Variants in AKAP13 observed in about 807,000 individuals in gnomAD.
AKAP13 encodes A-kinase anchor protein 13.
A neutral mutation model predicts 264.5 loss-of-function variants in AKAP13; 80 were observed. That is an observed-to-expected ratio of 0.30 (90% CI 0.25 to 0.36). AKAP13 has a LOEUF of 0.36. AKAP13 is among the 10% of genes least tolerant of loss of function. The pLI is 1.00. For missense variants in AKAP13, 3,712 were observed against 3,435.2 expected, an observed-to-expected ratio of 1.08 and a Z score of -2.01; for synonymous variants, 1,380 against 1,250.2, an observed-to-expected ratio of 1.10 and a Z score of -2.19.
intron 30 of AKAP13, among the ~76,000 whole-genome samples, chr15:85,733,910 T>C (rs2088241353): frequency 7.4e-6 from 1 of 134,788 alleles, no homozygotes; most frequent in Non-Finnish European, 1.6e-5. Flanking sequence ...AGAGTTTTGC[T>C]CCTGTTGCCC....
At chr15:85,709,639 G>T (rs7165064) in intron 18 of AKAP13, among the ~76,000 whole-genome samples, 27,729 of 150,572 alleles carry the variant, frequency 0.18, 2,884 homozygotes, top group South Asian at 0.34. Context: ...CCATATAAGA[G>T]AATATAACCT....
At chr15:85,477,981 T>C (rs1205555815) in intron 1 of AKAP13, among the ~76,000 whole-genome samples, 2 of 152,228 alleles carry the variant, frequency 1.3e-5, no homozygotes, top group Non-Finnish European at 2.9e-5. Flanking sequence ...TATCCTGTGC[T>C]TCTCCTCCTG....
intron 8 of AKAP13, among the ~76,000 whole-genome samples, chr15:85,622,576 A>G (rs191868365): frequency 1.3e-5 from 2 of 152,364 alleles, no homozygotes; most frequent in African/African-American, 2.4e-5. Flanking sequence ...GTAATCGGTT[A>G]GCCTGCCGTT....
rs7178065 is a variant in AKAP13 at position 85,581,800 on chromosome 15, G to A, written c.3732G>A (p.Gly1244=). ...CCCAGGACGCACCTCTGCCTAAGGG[G>A]GCAGACTTGATAGAGGAGGCTGCCA... is the stretch of plus-strand genomic sequence containing the variant. ...VSAQDAPLPK[G]ADLIEEAASR... is the part of the protein sequence containing the mutation. Residue 1244 remains glycine (G), a synonymous_variant, in exon 7 of 37, where the codon GGG becomes GGA. Transcript: ENST00000394518. The A allele has an allele frequency of 0.63, 1,016,438 of 1,613,710 alleles. 321,753 individuals carry two copies. Among genetic ancestry groups the A allele is most frequent in the Middle Eastern group, 0.69 (4,169 of 6,058 alleles).
At position 85,613,491 on chromosome 15, in the gene AKAP13, C is replaced by T. The variant is rs536918006; in HGVS notation, c.4162-25883C>T. 2.4e-4 allele frequency among the ~76,000 whole-genome samples: 36 copies of T among 151,856 alleles called. No individual in the cohort carries two copies. In the East Asian group the frequency reaches 6.4e-3, roughly 27 times the overall value. ...GGTCAGGAGATCGAGACCATCCTGG[C>T]TAACACGGTGAAACCCCGTCTCTAC... On this transcript the variant is annotated intron_variant, in intron 8 of 36. Coordinates refer to ENST00000394518, the MANE Select transcript of AKAP13 (RefSeq NM_007200.5).
chr15:85,448,858 T>C (rs1457663996), intron 1 of AKAP13, among the ~76,000 whole-genome samples: 1 of 151,516 alleles, frequency 6.6e-6, no homozygotes, highest in East Asian at 1.9e-4. Flanking sequence ...CTTTTTTTTT[T>C]TTTTTCTGAA....
chr15:85,533,958 A>G (rs2279168), intron 4 of AKAP13, 78 bp downstream of exon 4: 173,139 of 1,419,818 alleles, frequency 0.12, 12,657 homozygotes, highest in East Asian at 0.34. Context: ...CTACTTTTCT[A>G]TGGTCATCAT....
At chr15:85,698,529 G>A (rs1231909649) in intron 17 of AKAP13, among the ~76,000 whole-genome samples, 3 of 150,722 alleles carry the variant, frequency 2.0e-5, no homozygotes, top group Non-Finnish European at 4.4e-5. Context: ...AACTTTTTCT[G>A]CAAAGGAACC....
intron 9 of AKAP13, among the ~76,000 whole-genome samples, chr15:85,642,626 C>T (rs2082361146): frequency 6.6e-6 from 1 of 152,154 alleles, no homozygotes; most frequent in Non-Finnish European, 1.5e-5. Flanking sequence ...GTACTTTTCC[C>T]TCTTTCCCTC....
chr15:85,742,496 G>A lies in AKAP13; in HGVS notation c.8059-996G>A, dbSNP rs568435375. Among the ~76,000 whole-genome samples the A allele has an allele frequency of 6.6e-5, 10 of 152,352 alleles. No homozygotes were observed. The South Asian group carries it at 2.1e-3, about 32-fold the overall frequency. On this transcript the variant is annotated intron_variant, in intron 35 of 36. Coordinates refer to ENST00000394518, the MANE Select transcript of AKAP13 (RefSeq NM_007200.5). The stretch of plus-strand genomic sequence containing the variant: ...GAAACGCCCATCCCAGCAACTAGGG[G>A]AGGCCGCCACTCCTCTCGTGGATGG...
At chr15:85,423,134 G>T (rs1047714022) in intron 1 of AKAP13, among the ~76,000 whole-genome samples, 1 of 152,206 alleles carries the variant, frequency 6.6e-6, no homozygotes. Context: ...GCCTTGATGT[G>T]GATGGCTGCT....
At chr15:85,480,234 C>T (rs897818822) in intron 1 of AKAP13, among the ~76,000 whole-genome samples, 3 of 152,112 alleles carry the variant, frequency 2.0e-5, no homozygotes, top group Non-Finnish European at 4.4e-5. Flanking sequence ...TACCCACCAG[C>T]GTATTTTAAG....
At chr15:85,643,962 C>T (rs2082427023) in intron 9 of AKAP13, among the ~76,000 whole-genome samples, 1 of 152,164 alleles carries the variant, frequency 6.6e-6, no homozygotes, top group Admixed American at 6.5e-5. Flanking sequence ...GGACTGTCCC[C>T]GTTTTGGATG....
In AKAP13 at chr15:85,723,161, G is replaced by C. The variant is rs2087400786; in HGVS notation, c.6586G>C (p.Glu2196Gln). The part of the protein sequence containing the change: ...GAVDSKVASY[E>Q]KKVRLNEIYT... ...TGTAGACAGCAAAGTGGCAAGTTAT[G>C]AAAAGAAAGTGCGTCTCAATGAGAT... Residue 2196 changes from glutamate to glutamine, a missense_variant, in exon 26 of 37, where the codon GAA becomes CAA. This residue lies in a region of AKAP13 where 342 missense variants were observed against 484.3 expected (regional missense o/e 0.71). Transcript: ENST00000394518. The C allele has an allele frequency of 6.2e-7, 1 of 1,614,184 alleles. No homozygotes were observed. The highest frequency in any genetic ancestry group is 8.5e-7 in the Non-Finnish European group (1 of 1,180,006).
At position 85,735,547 on chromosome 15, in the gene AKAP13, A is replaced by G. The variant is rs369451913; in HGVS notation, c.7442-13A>G. The stretch of plus-strand genomic sequence containing the variant: ...CAACTTTAAAAAAAAAAACAACCCT[A>G]TTTTTTGTTTAGGAGGCGAGAAGGA... On this transcript the variant is annotated splice_polypyrimidine_tract_variant and intron_variant, in intron 31 of 36. Coordinates refer to ENST00000394518, the MANE Select transcript of AKAP13 (RefSeq NM_007200.5). The G allele has an allele frequency of 1.1e-4, 180 of 1,601,552 alleles. No homozygotes were observed. The African/African-American group carries it at 2.0e-3, about 18-fold the overall frequency.
chr15:85,390,813 C>T (rs1320479531), intron 1 of AKAP13, among the ~76,000 whole-genome samples: 1 of 152,122 alleles, frequency 6.6e-6, no homozygotes, highest in African/African-American at 2.4e-5. Flanking sequence ...AGGAGGATTC[C>T]TAGGTGTTTT....
intron 17 of AKAP13, among the ~76,000 whole-genome samples, chr15:85,703,718 C>T (rs1163730740): frequency 2.0e-5 from 3 of 152,020 alleles, no homozygotes; most frequent in South Asian, 4.2e-4. Context: ...TGGCATGGAC[C>T]GGTAATCCCA....
At chr15:85,498,560 G>C (rs996212944) in intron 2 of AKAP13, among the ~76,000 whole-genome samples, 1 of 144,138 alleles carries the variant, frequency 6.9e-6, no homozygotes, top group African/African-American at 2.6e-5. Context: ...CGTGAGGATG[G>C]TTTCACTATC....
chr15:85,427,107 C>A (rs911347880), intron 1 of AKAP13, among the ~76,000 whole-genome samples: 1 of 151,936 alleles, frequency 6.6e-6, no homozygotes, highest in Non-Finnish European at 1.5e-5. Flanking sequence ...AGGCGCCCAC[C>A]ACCACGCCCG....
Sources: gnomAD v4.1 joint callset for allele counts (sites outside exome capture counted in the v4.1 genomes callset) on GRCh38, gnomAD v4.1.1 for gene constraint, gnomAD v4.1.1 regional missense constraint, MANE v1.5 for transcripts, NCBI Gene and HGNC (gene_info 2026-07-23, HGNC 2026-07-21) for gene names.